The following CELF2 variants were observed in gnomAD, a reference collection of about 807,000 sequenced individuals.
CELF2 encodes CUG triplet repeat RNA-binding protein 2.
CELF2 carries 8 observed loss-of-function variants against 62.6 expected under a neutral mutation model. The ratio of observed to expected loss-of-function variants is 0.13; its 90% confidence interval spans 0.07 to 0.23. CELF2 has a LOEUF of 0.23. Among genes scored for constraint, CELF2 ranks in the 10% least tolerant of loss-of-function variants. The pLI is 1.00. For synonymous variants in CELF2, 258 were observed against 250.0 expected (o/e 1.03, Z -0.30); for missense variants, 333 against 671.0 (o/e 0.50, Z 5.56).
chr10:11,005,345 A>G lies in CELF2; in HGVS notation c.-43A>G, dbSNP rs764174857. 12 of 1,612,940 alleles carry G rather than the reference A, an allele frequency of 7.4e-6. No homozygotes were observed. The highest frequency in any genetic ancestry group is 1.0e-5 in the Non-Finnish European group (12 of 1,179,538). ...GCGACTGTGGCATTGATGTTTGAGC[A>G]TACTTCTGAACTGGCTTTTGTTGAG... On this transcript the variant is annotated 5_prime_UTR_variant, in exon 1 of 13. Transcript: ENST00000416382. The surrounding 1 kb of genome is among the most constrained non-coding windows in gnomAD (Gnocchi z 4.3).
chr10:11,125,379 A>G (rs998098973), intron 1 of CELF2, among the ~76,000 whole-genome samples: 5 of 151,894 alleles, frequency 3.3e-5, no homozygotes, highest in Non-Finnish European at 4.4e-5. Context: ...ATGTGGCCAT[A>G]GGGTGAAAGC....
intron 1 of CELF2, among the ~76,000 whole-genome samples, chr10:11,135,579 G>A (rs1026979094): frequency 6.6e-6 from 1 of 152,208 alleles, no homozygotes; most frequent in Non-Finnish European, 1.5e-5. Context: ...GTGAAATACT[G>A]TCTTCTAAAT....
chr10:10,680,346 T>C, the CELF2 span, among the ~76,000 whole-genome samples: 1 of 152,300 alleles, frequency 6.6e-6, no homozygotes, highest in African/African-American at 2.4e-5. Context: ...GTGCTCATAC[T>C]CAACAGTTTT....
rs1025344406 is a variant in CELF2 at position 11,293,126 on chromosome 10, C to T, written c.976+4574C>T. Among the ~76,000 whole-genome samples the T allele has an allele frequency of 7.9e-5, 12 of 152,340 alleles. No homozygotes were observed. In the South Asian group the frequency reaches 1.0e-3, roughly 13 times the overall value. ...CACTCGCCCAGATCAGGCCACCCCC[C>T]GTAGCCCAGCCACGCCGTCGGCCTT... is the stretch of plus-strand genomic sequence containing the variant. On this transcript the variant is annotated intron_variant, in intron 9 of 12. Transcript: ENST00000633077.
At chr10:11,135,724 C>T (rs1040859232) in intron 1 of CELF2, among the ~76,000 whole-genome samples, 3 of 152,214 alleles carry the variant, frequency 2.0e-5, no homozygotes, top group African/African-American at 4.8e-5. Flanking sequence ...ACTGCTCCCC[C>T]ACATTTTGGG....
chr10:11,105,399 G>T (rs1252662594), intron 1 of CELF2: 2 of 152,188 alleles, frequency 1.3e-5, no homozygotes, highest in African/African-American at 4.8e-5. Context: ...GACCAAGGGA[G>T]GTTTTGTTTG....
At position 11,290,198 on chromosome 10, in the gene CELF2, G is replaced by A. The variant is rs1023888883; in HGVS notation, c.976+1646G>A. On this transcript the variant is annotated intron_variant, in intron 9 of 12. Coordinates refer to ENST00000633077, the MANE Select transcript of CELF2 (RefSeq NM_001326342.2). The surrounding 1 kb of genome is among the most constrained non-coding windows in gnomAD (Gnocchi z 4.3). Reference sequence around the variant, plus strand: ...TTCGGGAGTCCTTCAGTCCTTCAGGGACTTGGACAAGAAGCAAAGCAATGA... The same window carrying A: ...TTCGGGAGTCCTTCAGTCCTTCAGGAACTTGGACAAGAAGCAAAGCAATGA... 2.0e-5 allele frequency among the ~76,000 whole-genome samples: 3 copies of A among 152,206 alleles called. No homozygotes were observed. Among genetic ancestry groups the A allele is most frequent in the African/African-American group, 7.2e-5 (3 of 41,456 alleles).
At chr10:11,022,699 A>G (rs970303435) in intron 1 of CELF2, among the ~76,000 whole-genome samples, 1 of 152,226 alleles carries the variant, frequency 6.6e-6, no homozygotes, top group Non-Finnish European at 1.5e-5. Context: ...GCATAAAAAG[A>G]CAGGTTACGT....
At chr10:10,868,514 A>G (rs2060524988) in intron 1 of CELF2, among the ~76,000 whole-genome samples, 1 of 152,260 alleles carries the variant, frequency 6.6e-6, no homozygotes, top group African/African-American at 2.4e-5. Flanking sequence ...CAAAGCAATT[A>G]CAGAGCCTAA....
chr10:10,638,069 G>T, the CELF2 span, among the ~76,000 whole-genome samples: 24 of 152,306 alleles, frequency 1.6e-4, no homozygotes, highest in African/African-American at 5.1e-4. Context: ...GATGTGGACA[G>T]AGTGGAGCAT....
the CELF2 span, among the ~76,000 whole-genome samples, chr10:10,680,182 T>C: frequency 1.1e-4 from 16 of 152,186 alleles, 1 homozygote; most frequent in East Asian, 1.9e-3. Context: ...TGTATGTGCG[T>C]ATGTGTATAA....
At chr10:10,651,769 G>GA in the CELF2 span, among the ~76,000 whole-genome samples, 170 of 150,818 alleles carry the variant, frequency 1.1e-3, 1 homozygote, top group African/African-American at 3.8e-3. Flanking sequence ...CAAAGATGGG[G>GA]AAAAAAAAAG....
intron 2 of CELF2, chr10:10,952,030 G>T (rs189688811): frequency 6.6e-6 from 1 of 152,402 alleles, no homozygotes; most frequent in African/African-American, 2.4e-5. Flanking sequence ...AGAGAGGGGA[G>T]AGTGGAGTCC....
At chr10:10,792,421 C>A in the CELF2 span, 1 of 398,282 alleles carries the variant, frequency 2.5e-6, no homozygotes, top group African/African-American at 2.1e-5. Context: ...GGAATTCCAT[C>A]TCTATGAGCA....
chr10:10,725,066 T>C, the CELF2 span, among the ~76,000 whole-genome samples: 8 of 152,256 alleles, frequency 5.3e-5, no homozygotes, highest in Admixed American at 3.3e-4. Flanking sequence ...CACTAACTTT[T>C]GTGAATTACT....
In CELF2 at chr10:11,159,711, G is replaced by A. The variant is rs1048061633; in HGVS notation, c.75-5775G>A. ...TTTCATGTCTGTCCTGTTACCCGCC[G>A]GAGGCACCAGGCCCATCGCCAGGTT... On this transcript the variant is annotated intron_variant, in intron 1 of 12. Transcript: ENST00000633077. The surrounding 1 kb of genome is among the most constrained non-coding windows in gnomAD (Gnocchi z 5.0). 2.6e-5 allele frequency among the ~76,000 whole-genome samples: 4 copies of A among 152,182 alleles called. No homozygotes were observed. Among genetic ancestry groups the A allele is most frequent in the Non-Finnish European group, 4.4e-5 (3 of 68,024 alleles).
rs1209457445 is a variant in CELF2 at position 11,105,885 on chromosome 10, C to T, written c.75-59601C>T. On this transcript the variant is annotated intron_variant, in intron 1 of 12. Transcript: ENST00000633077. ...ACCCCAGTCACACTCCACCTCATAC[C>T]CTTCTTTAGATTTCTTCATAGCACT... 2.6e-5 allele frequency among the ~76,000 whole-genome samples: 4 copies of T among 152,194 alleles called. No homozygotes were observed. The East Asian group carries it at 7.7e-4, about 29-fold the overall frequency.
At chr10:11,299,562 G>T (rs2093518743) in intron 9 of CELF2, among the ~76,000 whole-genome samples, 1 of 152,164 alleles carries the variant, frequency 6.6e-6, no homozygotes. Flanking sequence ...CTCTTCAGAG[G>T]CCCGAGCCCG....
At chr10:10,907,642 ATTTTATT>A (rs2063454118) in intron 1 of CELF2, among the ~76,000 whole-genome samples, 1 of 2,804 alleles carries the variant, frequency 3.6e-4, no homozygotes, top group South Asian at 0.033. Flanking sequence ...TGTTGGTTTT[ATTTTATT>A]TTATTTTATT....
Sources: gnomAD v4.1 joint callset for allele counts (sites outside exome capture counted in the v4.1 genomes callset) on GRCh38, gnomAD v4.1.1 for gene constraint, Gnocchi (gnomAD v3.1) non-coding constraint, MANE v1.5 for transcripts, NCBI Gene and HGNC (gene_info 2026-07-23, HGNC 2026-07-21) for gene names.